CMTM6: variants seen among roughly 807,000 people sequenced by gnomAD.
The protein encoded by CMTM6 is CKLF-like MARVEL transmembrane domain-containing protein 6.
Under a neutral mutation model 13.6 loss-of-function variants are expected in CMTM6, and 5 were observed. The ratio of observed to expected loss-of-function variants is 0.37; its 90% CI spans 0.19 to 0.77. The LOEUF is 0.77. CMTM6 is among the 30% of genes least tolerant of loss of function. The pLI is 0.50. For missense variants in CMTM6, 196 were observed against 218.6 expected (o/e 0.90, Z 0.65); for synonymous variants, 99 against 84.5 (o/e 1.17, Z -0.94).
intron 1 of CMTM6, among the ~76,000 whole-genome samples, chr3:32,494,927 G>A (rs946333399): frequency 1.3e-5 from 2 of 152,060 alleles, no homozygotes; most frequent in African/African-American, 4.8e-5. Context: ...CTTGATTGTG[G>A]TGGTAATTAT....
chr3:32,500,443 C>T (rs1326486337), intron 1 of CMTM6, among the ~76,000 whole-genome samples: 1 of 152,284 alleles, frequency 6.6e-6, no homozygotes, highest in Non-Finnish European at 1.5e-5. Flanking sequence ...AGACAACCAT[C>T]AAAGTGAAAG....
At chr3:32,486,547 T>C (rs1697207301) in intron 3 of CMTM6, among the ~76,000 whole-genome samples, 1 of 152,204 alleles carries the variant, frequency 6.6e-6, no homozygotes, top group African/African-American at 2.4e-5. Context: ...GCACTACCTT[T>C]CTAAAATCCA....
intron 1 of CMTM6, among the ~76,000 whole-genome samples, chr3:32,500,104 A>C (rs1575140054): frequency 2.0e-5 from 3 of 152,214 alleles, no homozygotes; most frequent in African/African-American, 7.2e-5. Context: ...ATAAGTGTAC[A>C]ATATTTTGAA....
At chr3:32,487,626 G>C in intron 3 of CMTM6, 1 of 194,104 alleles carries the variant, frequency 5.2e-6, no homozygotes, top group South Asian at 1.4e-4. Context: ...TGGCATGTAG[G>C]TGTGCATTTA....
chr3:32,489,186 C>A (rs1697229931), intron 2 of CMTM6, among the ~76,000 whole-genome samples: 1 of 147,174 alleles, frequency 6.8e-6, no homozygotes, highest in African/African-American at 2.5e-5. Context: ...AAGAGAATCA[C>A]TTGAACCCAG....
chr3:32,483,179 A>G lies in CMTM6; in HGVS notation c.*781T>C, dbSNP rs1053551873. The G allele has an allele frequency of 6.6e-6, 1 of 152,642 alleles. No homozygotes were observed. The highest frequency in any genetic ancestry group is 1.5e-5 in the Non-Finnish European group (1 of 68,028). The allele number at this position is 152,642 out of a possible 1,614,324, so 9.5% of individuals were successfully genotyped here. A position where few individuals can be genotyped will look rare whatever the true frequency, so the allele number is the denominator to read the frequency against. On this transcript the variant is annotated 3_prime_UTR_variant, in exon 4 of 4. Coordinates refer to ENST00000205636, the MANE Select transcript of CMTM6 (RefSeq NM_017801.3). ...CTGTCTTGGGCAAAAAGTCTTTCTT[A>G]TCTTTGGTCCTTAGGTGTGGTATCA...
At chr3:32,489,934 G>A (rs1226313376) in intron 2 of CMTM6, among the ~76,000 whole-genome samples, 3 of 152,144 alleles carry the variant, frequency 2.0e-5, no homozygotes, top group Non-Finnish European at 4.4e-5. Context: ...GGCTACTGTT[G>A]TTCTTAATAG....
chr3:32,490,437 T>C (rs1697241469), intron 2 of CMTM6, among the ~76,000 whole-genome samples: 1 of 152,142 alleles, frequency 6.6e-6, no homozygotes, highest in Non-Finnish European at 1.5e-5. Flanking sequence ...AAAAGTAGAA[T>C]ATATGTTCTA....
chr3:32,495,641 G>A (rs1421974380), intron 1 of CMTM6, among the ~76,000 whole-genome samples: 2 of 152,128 alleles, frequency 1.3e-5, no homozygotes, highest in Non-Finnish European at 2.9e-5. Context: ...AGACTATTAG[G>A]CACACTCATG....
At chr3:32,496,429 A>G (rs1239706597) in intron 1 of CMTM6, among the ~76,000 whole-genome samples, 1 of 151,984 alleles carries the variant, frequency 6.6e-6, no homozygotes, top group Admixed American at 6.6e-5. Flanking sequence ...CAAAAAAAAA[A>G]GAAAAAAAAT....
rs1697175836 is a variant in CMTM6 at position 32,483,756 on chromosome 3, T to G, written c.*204A>C. The G allele has an allele frequency of 2.7e-6, 1 of 370,124 alleles. No homozygotes were observed. Among genetic ancestry groups the G allele is most frequent in the East Asian group, 4.2e-5 (1 of 23,752 alleles). The allele number at this position is 370,124 out of a possible 1,614,324, so 22.9% of individuals were successfully genotyped here. A position where few individuals can be genotyped will look rare whatever the true frequency, so the allele number is the denominator to read the frequency against. ...TCCATTTGAGATAAGTTTCAATTAT[T>G]ATTTAAAAAAAAATTTTTTTTAACT... is the stretch of plus-strand genomic sequence containing the variant. On this transcript the variant is annotated 3_prime_UTR_variant, in exon 4 of 4. Coordinates refer to ENST00000205636, the MANE Select transcript of CMTM6 (RefSeq NM_017801.3).
chr3:32,484,114 G>A lies in CMTM6; in HGVS notation c.415-17C>T. On this transcript the variant is annotated splice_polypyrimidine_tract_variant and intron_variant, in intron 3 of 3. Coordinates refer to ENST00000205636, the MANE Select transcript of CMTM6 (RefSeq NM_017801.3). ...TCCAAACACCTGAGGAAAAAAAGGA[G>A]GAAAGGTTATATGAGAATTTTGGAA... is the stretch of plus-strand genomic sequence containing the variant. 6.4e-7 allele frequency: 1 copy of A among 1,559,874 alleles called. No individual in the cohort carries two copies. The highest frequency in any genetic ancestry group is 8.6e-7 in the Non-Finnish European group (1 of 1,156,212).
At chr3:32,484,592 C>A (rs1295509729) in intron 3 of CMTM6, among the ~76,000 whole-genome samples, 3 of 152,164 alleles carry the variant, frequency 2.0e-5, no homozygotes, top group Admixed American at 6.5e-5. Flanking sequence ...AGTTGTCACA[C>A]TGCAATGACA....
At chr3:32,496,137 G>A (rs1697287818) in intron 1 of CMTM6, among the ~76,000 whole-genome samples, 1 of 150,188 alleles carries the variant, frequency 6.7e-6, no homozygotes, top group Non-Finnish European at 1.5e-5. Context: ...GGAGGCAGAG[G>A]TTCCAGTGAG....
At chr3:32,497,382 C>CAAAAAA (rs144445988) in intron 1 of CMTM6, among the ~76,000 whole-genome samples, 4 of 53,634 alleles carry the variant, frequency 7.5e-5, no homozygotes, top group African/African-American at 3.2e-4. Context: ...GACTCTGTCT[C>CAAAAAA]AAAAAAAAAA....
chr3:32,496,816 T>C (rs561106131), intron 1 of CMTM6, among the ~76,000 whole-genome samples: 2 of 152,142 alleles, frequency 1.3e-5, no homozygotes, highest in Non-Finnish European at 2.9e-5. Context: ...ATTTGCATAG[T>C]AAATCCAAAA....
intron 2 of CMTM6, among the ~76,000 whole-genome samples, chr3:32,491,257 C>T (rs1697247924): frequency 1.3e-5 from 2 of 152,200 alleles, no homozygotes; most frequent in African/African-American, 4.8e-5. Flanking sequence ...TCCCCAATCA[C>T]TGAAGCTTTA....
chr3:32,488,130 T>A, intron 2 of CMTM6, 94 bp from the exon 3 acceptor site: 1 of 874,926 alleles, frequency 1.1e-6, no homozygotes, highest in Non-Finnish European at 1.8e-6. Context: ...CTCTGGCTAC[T>A]TACTTGTTTT....
chr3:32,486,532 G>T (rs960922709), intron 3 of CMTM6, among the ~76,000 whole-genome samples: 7 of 152,186 alleles, frequency 4.6e-5, no homozygotes, highest in African/African-American at 1.7e-4. Flanking sequence ...TATAGCATAT[G>T]TACAGCACTA....
Sources: allele counts gnomAD v4.1 joint callset (sites outside exome capture counted in the v4.1 genomes callset), GRCh38; gene constraint gnomAD v4.1.1; transcripts MANE v1.5; gene names NCBI Gene and HGNC (gene_info 2026-07-23, HGNC 2026-07-21).